Variants in PCSK5 observed in about 807,000 individuals in gnomAD.
PCSK5 encodes the protein prohormone convertase 5.
Under a neutral mutation model 233.2 loss-of-function variants are expected in PCSK5, and 129 were observed. That is an observed-to-expected ratio of 0.55 (90% CI 0.48 to 0.64). PCSK5 has a LOEUF of 0.64. Among genes scored for constraint, PCSK5 ranks in the 30% least tolerant of loss-of-function variants. The pLI is 0.00. For missense variants in PCSK5, 2,076 were observed against 2,430.1 expected, an observed-to-expected ratio of 0.85 and a Z score of 3.06; for synonymous variants, 825 against 879.2, an observed-to-expected ratio of 0.94 and a Z score of 1.09.
chr9:76,131,267 T>C (rs1340280756), intron 9 of PCSK5, among the ~76,000 whole-genome samples: 2 of 152,128 alleles, frequency 1.3e-5, no homozygotes, highest in East Asian at 3.9e-4. Context: ...ATTCTAGCAA[T>C]AAATAAACCA....
rs111409378 is a variant in PCSK5 at position 76,060,058 on chromosome 9, A to G, written c.633-7897A>G. Among the ~76,000 whole-genome samples, 315 of 152,304 alleles carry G rather than the reference A, an allele frequency of 2.1e-3. 1 individual carries two copies. The highest frequency in any genetic ancestry group is 7.2e-3 in the African/African-American group (300 of 41,576). ...TCACATTTGTAGAATAAATGCCCAG[A>G]TATTTATGAAATGTTCTTCAGAAAG... On this transcript the variant is annotated intron_variant, in intron 5 of 37. Transcript: ENST00000674117.
At chr9:76,201,719 T>C (rs1564104755) in intron 20 of PCSK5, among the ~76,000 whole-genome samples, 1 of 152,188 alleles carries the variant, frequency 6.6e-6, no homozygotes. Flanking sequence ...ATGGGCCATA[T>C]GGACAAAATC....
chr9:76,014,464 C>T lies in PCSK5; in HGVS notation c.412-9274C>T, dbSNP rs1827861782. Among the ~76,000 whole-genome samples, 4 of 152,158 alleles carry T rather than the reference C, an allele frequency of 2.6e-5. No homozygotes were observed. In the South Asian group the frequency reaches 8.3e-4, roughly 32 times the overall value. ...AAAGTCATTTGGCAAAACTGAATTT[C>T]TTCTCAACTTAGGTAGAATTGCTGC... On this transcript the variant is annotated intron_variant, in intron 3 of 37. Coordinates refer to ENST00000674117, the MANE Select transcript of PCSK5 (RefSeq NM_001372043.1).
intron 3 of PCSK5, 111 bp downstream of exon 3, chr9:75,986,356 C>T (rs1013552503): frequency 3.0e-6 from 2 of 668,428 alleles, no homozygotes; most frequent in African/African-American, 3.6e-5. Context: ...GGGATTGTTT[C>T]CTATTTTAAT....
intron 3 of PCSK5, among the ~76,000 whole-genome samples, chr9:76,007,962 C>CG (rs958153480): frequency 3.3e-5 from 5 of 151,990 alleles, no homozygotes; most frequent in African/African-American, 1.2e-4. Context: ...AAGTCTTCAA[C>CG]GGGTTCCCCT....
intron 22 of PCSK5, among the ~76,000 whole-genome samples, chr9:76,237,201 A>G (rs1335815924): frequency 6.6e-6 from 1 of 152,254 alleles, no homozygotes; most frequent in Non-Finnish European, 1.5e-5. Flanking sequence ...CAGAGATTCC[A>G]GGTTCCACCA....
intron 24 of PCSK5, among the ~76,000 whole-genome samples, chr9:76,277,281 G>C (rs543738505): frequency 6.6e-6 from 1 of 152,190 alleles, no homozygotes; most frequent in East Asian, 1.9e-4. Context: ...TCCCCCCAAA[G>C]AATGAAGGCT....
chr9:76,278,163 C>G (rs12345405), intron 24 of PCSK5, among the ~76,000 whole-genome samples: 5,616 of 152,248 alleles, frequency 0.037, 332 homozygotes, highest in African/African-American at 0.13. Context: ...CTTGGCCCCA[C>G]TGAAAGCCAC....
rs1047187890 is a variant in PCSK5 at position 75,900,852 on chromosome 9, A to T, written c.192+9479A>T. On this transcript the variant is annotated intron_variant, in intron 1 of 37. Transcript: ENST00000674117. ...TTTGTGTGTGTGTGTCTAATTACAC[A>T]CCTATCCTTCCACTAGCTGGTGAGC... 2.6e-5 allele frequency among the ~76,000 whole-genome samples: 4 copies of T among 151,988 alleles called. 1 individual carries two copies. Among genetic ancestry groups the T allele is most frequent in the Non-Finnish European group, 4.4e-5 (3 of 67,998 alleles).
intron 36 of PCSK5, among the ~76,000 whole-genome samples, chr9:76,352,910 A>G (rs1830203895): frequency 6.6e-6 from 1 of 151,848 alleles, no homozygotes; most frequent in South Asian, 2.1e-4. Context: ...ATAGCTGGAC[A>G]TGGTGGCACA....
intron 5 of PCSK5, among the ~76,000 whole-genome samples, chr9:76,030,493 A>G (rs1361595109): frequency 6.6e-6 from 1 of 152,204 alleles, no homozygotes; most frequent in East Asian, 1.9e-4. Context: ...ATCCAACATA[A>G]CAATTATAAT....
chr9:75,969,669 C>A (rs925917992), intron 2 of PCSK5, among the ~76,000 whole-genome samples: 16 of 152,210 alleles, frequency 1.1e-4, no homozygotes, highest in Admixed American at 9.2e-4. Flanking sequence ...TAGCTTGGTT[C>A]ACGAACGCGT....
At chr9:76,255,041 C>A (rs981628151) in intron 24 of PCSK5, among the ~76,000 whole-genome samples, 3 of 152,102 alleles carry the variant, frequency 2.0e-5, no homozygotes, top group Non-Finnish European at 4.4e-5. Flanking sequence ...AATCCCAACA[C>A]CTTGGGAGAC....
intron 2 of PCSK5, among the ~76,000 whole-genome samples, chr9:75,945,195 CAT>C (rs1824508997): frequency 6.6e-6 from 1 of 150,678 alleles, no homozygotes; most frequent in Non-Finnish European, 1.5e-5. Flanking sequence ...TATAATATAA[CAT>C]ATAAAATATA....
At chr9:75,940,215 A>G (rs1444145991) in intron 2 of PCSK5, among the ~76,000 whole-genome samples, 1 of 152,224 alleles carries the variant, frequency 6.6e-6, no homozygotes, top group African/African-American at 2.4e-5. Flanking sequence ...GCTTGCCTGT[A>G]ACGTCTACCC....
chr9:76,268,000 T>C (rs2131369210), intron 24 of PCSK5, among the ~76,000 whole-genome samples: 1 of 151,930 alleles, frequency 6.6e-6, no homozygotes, highest in Non-Finnish European at 1.5e-5. Flanking sequence ...TGGGTCTGCC[T>C]TCCTTCAAAA....
At chr9:76,138,324 C>T (rs962443248) in intron 10 of PCSK5, among the ~76,000 whole-genome samples, 2 of 152,070 alleles carry the variant, frequency 1.3e-5, no homozygotes, top group African/African-American at 4.8e-5. Flanking sequence ...AGGTTAATGT[C>T]GGCAGCAGAA....
chr9:76,126,170 C>T (rs62560882), intron 9 of PCSK5, among the ~76,000 whole-genome samples: 37,906 of 78,532 alleles, frequency 0.48, 6,818 homozygotes, highest in African/African-American at 0.66. Context: ...TTTTTTCCTG[C>T]GTGTGTGTGT....
chr9:76,238,528 C>A (rs1044108215), intron 22 of PCSK5, among the ~76,000 whole-genome samples: 1 of 152,192 alleles, frequency 6.6e-6, no homozygotes, highest in Non-Finnish European at 1.5e-5. Context: ...TAAAAGATTG[C>A]ACTTTCATAA....
Sources: gnomAD v4.1 joint callset for allele counts (sites outside exome capture counted in the v4.1 genomes callset) on GRCh38, gnomAD v4.1.1 for gene constraint, MANE v1.5 for transcripts, NCBI Gene and HGNC (gene_info 2026-07-23, HGNC 2026-07-21) for gene names.